Variants in CDK14 observed in about 807,000 individuals in gnomAD.
CDK14 encodes the protein cyclin-dependent kinase 14.
A neutral mutation model predicts 60.7 loss-of-function variants in CDK14; 34 were observed. That is an observed-to-expected ratio of 0.56 (90% CI 0.43 to 0.75). The LOEUF (loss-of-function observed/expected upper bound fraction) is 0.75, where lower values mean the gene tolerates loss of function less well. CDK14 is among the 30% of genes least tolerant of loss of function. The pLI, the probability that CDK14 is intolerant of heterozygous loss-of-function variation, is 0.00. For synonymous variants in CDK14, 197 were observed against 203.7 expected, an observed-to-expected ratio of 0.97 and a Z score of 0.28; for missense variants, 482 against 564.1, an observed-to-expected ratio of 0.85 and a Z score of 1.47.
At chr7:91,094,871 C>G (rs1475087017) in intron 12 of CDK14, among the ~76,000 whole-genome samples, 1 of 152,218 alleles carries the variant, frequency 6.6e-6, no homozygotes, top group Non-Finnish European at 1.5e-5. Flanking sequence ...CAACCCACTT[C>G]TTCATAAACA....
intron 12 of CDK14, chr7:91,107,912 C>T (rs1034791086): frequency 6.6e-6 from 1 of 152,222 alleles, no homozygotes; most frequent in Admixed American, 6.5e-5. Flanking sequence ...AATGAAGCTT[C>T]TGCAGGAGTA....
At chr7:90,641,301 G>A (rs972034031) in intron 2 of CDK14, among the ~76,000 whole-genome samples, 1 of 151,858 alleles carries the variant, frequency 6.6e-6, no homozygotes, top group African/African-American at 2.4e-5. Flanking sequence ...AAATGAAAAC[G>A]TGTCGACACA....
At chr7:90,666,926 A>G (rs146775313) in intron 2 of CDK14, among the ~76,000 whole-genome samples, 1 of 152,386 alleles carries the variant, frequency 6.6e-6, no homozygotes, top group African/African-American at 2.4e-5. Context: ...ATGCAAATGT[A>G]GAGAGAAGAG....
intron 5 of CDK14, among the ~76,000 whole-genome samples, chr7:90,829,340 A>G (rs1333182038): frequency 6.6e-6 from 1 of 152,142 alleles, no homozygotes; most frequent in African/African-American, 2.4e-5. Context: ...CAAAAGTCCA[A>G]GTCCAAAGTC....
chr7:90,847,893 G>A (rs1790516842), intron 5 of CDK14, among the ~76,000 whole-genome samples: 1 of 152,078 alleles, frequency 6.6e-6, no homozygotes, highest in Non-Finnish European at 1.5e-5. Context: ...AATTTTTTTA[G>A]GTGTTTACTA....
chr7:90,964,619 A>T (rs1794701850), intron 9 of CDK14, among the ~76,000 whole-genome samples: 1 of 152,110 alleles, frequency 6.6e-6, no homozygotes, highest in Non-Finnish European at 1.5e-5. Flanking sequence ...GTTTTTAATT[A>T]TTTTTTATTT....
At chr7:91,067,005 T>C (rs558437442) in intron 11 of CDK14, among the ~76,000 whole-genome samples, 1 of 152,328 alleles carries the variant, frequency 6.6e-6, no homozygotes, top group East Asian at 1.9e-4. Context: ...AGTTTAAACA[T>C]AATTGGAAAG....
intron 5 of CDK14, among the ~76,000 whole-genome samples, chr7:90,858,903 A>G (rs1423456251): frequency 6.6e-6 from 1 of 152,372 alleles, no homozygotes; most frequent in Non-Finnish European, 1.5e-5. Context: ...AGAATTAACA[A>G]TACTAAACTC....
At chr7:91,194,566 C>G (rs977868470) in intron 14 of CDK14, among the ~76,000 whole-genome samples, 3 of 151,824 alleles carry the variant, frequency 2.0e-5, no homozygotes. Flanking sequence ...CCAAATGACA[C>G]CAGTGTTGCA....
intron 5 of CDK14, among the ~76,000 whole-genome samples, chr7:90,814,527 A>G (rs1434519224): frequency 1.3e-5 from 2 of 152,240 alleles, no homozygotes; most frequent in Admixed American, 1.3e-4. Flanking sequence ...TCAATCCTGT[A>G]ATCCCAGCAC....
chr7:90,804,558 A>C (rs1252014605), intron 5 of CDK14, among the ~76,000 whole-genome samples: 1 of 152,176 alleles, frequency 6.6e-6, no homozygotes, highest in Admixed American at 6.5e-5. Flanking sequence ...ATGCTTATGT[A>C]AATTGCCACA....
chr7:90,770,639 CT>C (rs1398839425), intron 4 of CDK14, among the ~76,000 whole-genome samples: 5 of 152,194 alleles, frequency 3.3e-5, no homozygotes, highest in African/African-American at 1.2e-4. Context: ...AGTCTGCTGT[CT>C]TTCCCCATAT....
chr7:91,104,193 A>G (rs1286505396), intron 12 of CDK14, among the ~76,000 whole-genome samples: 2 of 152,058 alleles, frequency 1.3e-5, no homozygotes, highest in African/African-American at 4.8e-5. Flanking sequence ...GTGAACATAG[A>G]GGCTCATTGA....
At chr7:90,758,180 C>T (rs1048420513) in intron 4 of CDK14, among the ~76,000 whole-genome samples, 1 of 152,170 alleles carries the variant, frequency 6.6e-6, no homozygotes, top group African/African-American at 2.4e-5. Context: ...ACCACATTCT[C>T]ATATTTGAGT....
At chr7:90,881,764 G>T (rs1791763329) in intron 6 of CDK14, among the ~76,000 whole-genome samples, 1 of 152,194 alleles carries the variant, frequency 6.6e-6, no homozygotes, top group South Asian at 2.1e-4. Flanking sequence ...CCAGCCAGAA[G>T]AGATTGGAGG....
chr7:90,788,721 A>G (rs995213863), intron 4 of CDK14, among the ~76,000 whole-genome samples: 1 of 152,182 alleles, frequency 6.6e-6, no homozygotes, highest in African/African-American at 2.4e-5. Context: ...TTTTGAGCGA[A>G]AGCAGACCAA....
At chr7:90,889,958 G>A (rs1218180018) in intron 6 of CDK14, among the ~76,000 whole-genome samples, 2 of 152,042 alleles carry the variant, frequency 1.3e-5, no homozygotes, top group Non-Finnish European at 2.9e-5. Flanking sequence ...CTTTTTTACT[G>A]GTTCATGAAT....
intron 8 of CDK14, among the ~76,000 whole-genome samples, chr7:90,918,291 A>G (rs1202948448): frequency 1.3e-5 from 2 of 152,228 alleles, no homozygotes; most frequent in Non-Finnish European, 2.9e-5. Context: ...TGTTGTTTCA[A>G]GTATTTTCAA....
chr7:90,917,817 A>G (rs1417612239), intron 8 of CDK14, 93 bp downstream of exon 8: 9 of 1,222,086 alleles, frequency 7.4e-6, no homozygotes, highest in South Asian at 5.2e-5. Context: ...CACTTCTTCT[A>G]TCATCATAGA....
Sources: gnomAD v4.1 joint callset for allele counts (sites outside exome capture counted in the v4.1 genomes callset) on GRCh38, gnomAD v4.1.1 for gene constraint, MANE v1.5 for transcripts, NCBI Gene and HGNC (gene_info 2026-07-23, HGNC 2026-07-21) for gene names.